The following TMEM178B variants were observed in gnomAD, a reference collection of about 807,000 sequenced individuals.
TMEM178B encodes transmembrane protein 178B.
In TMEM178B, 5 loss-of-function variants were observed where a neutral mutation model predicts 31.0. That is an observed-to-expected ratio of 0.16 (90% confidence interval 0.08 to 0.34). TMEM178B has a LOEUF of 0.34. TMEM178B is among the 10% of genes least tolerant of loss of function. The pLI, the probability that TMEM178B is intolerant of heterozygous loss-of-function variation, is 1.00. For synonymous variants in TMEM178B, 164 were observed against 164.0 expected (o/e 1.00, Z 0.00); for missense variants, 275 against 400.3 (o/e 0.69, Z 2.67).
chr7:141,435,329 T>C lies in TMEM178B; in HGVS notation c.497-2279T>C, dbSNP rs149450927. On this transcript the variant is annotated intron_variant, in intron 2 of 3. Coordinates refer to ENST00000565468, the MANE Select transcript of TMEM178B (RefSeq NM_001195278.2). ...CCCTTACAGGGAAACCTTCTTTTCA[T>C]TGAAAATAAGCTGTTCTCTCTTTTC... 1.0e-3 allele frequency among the ~76,000 whole-genome samples: 154 copies of C among 152,382 alleles called. 1 individual carries two copies. The highest frequency in any genetic ancestry group is 3.5e-3 in the African/African-American group (145 of 41,598).
intron 2 of TMEM178B, among the ~76,000 whole-genome samples, chr7:141,306,284 C>A (rs1432751677): frequency 6.6e-6 from 1 of 152,152 alleles, no homozygotes; most frequent in Non-Finnish European, 1.5e-5. Context: ...CAGTAATTGT[C>A]TGTGCTCTTT....
the TMEM178B span, among the ~76,000 whole-genome samples, chr7:141,498,826 T>A: frequency 6.6e-6 from 1 of 152,230 alleles, no homozygotes. Context: ...TATCTGTGGA[T>A]GTTTAAAGAA....
intron 2 of TMEM178B, among the ~76,000 whole-genome samples, chr7:141,364,659 C>CAA (rs980786132): frequency 0.3 from 14,333 of 47,660 alleles, 2,706 homozygotes; most frequent in Middle Eastern, 0.44. Context: ...GACTCTGTCT[C>CAA]AAAAAAAAAA....
chr7:141,119,270 C>G (rs1043349413), intron 1 of TMEM178B, among the ~76,000 whole-genome samples: 12 of 152,146 alleles, frequency 7.9e-5, no homozygotes, highest in Non-Finnish European at 1.8e-4. Context: ...TTGTTGAGGC[C>G]TGCTGGGGAT....
At chr7:141,434,131 A>G (rs1801489048) in intron 2 of TMEM178B, among the ~76,000 whole-genome samples, 1 of 152,146 alleles carries the variant, frequency 6.6e-6, no homozygotes, top group Non-Finnish European at 1.5e-5. Context: ...CTTTGTTCTC[A>G]TTCTCCAACA....
chr7:141,471,912 GAAC>G lies in TMEM178B; in HGVS notation c.*1129_*1131del, dbSNP rs1802252623. ...TGAAATTTCCAGAGGGCAGAACCAA[GAAC>G]AAAGCCACTGGGCCAGAGGACCCCC... On this transcript the variant is annotated 3_prime_UTR_variant, in exon 4 of 4. Transcript: ENST00000565468. This position sits in a 1 kb window ranked among gnomAD's most constrained non-coding sequence, Gnocchi z 4.1. 6.6e-6 allele frequency: 1 copy of G among 152,020 alleles called. No homozygotes were observed. The highest frequency in any genetic ancestry group is 6.6e-5 in the Admixed American group (1 of 15,254). 9.4% of individuals were successfully genotyped at this position (152,020 alleles called of 1,614,324 possible). A position where few individuals can be genotyped will look rare whatever the true frequency, so the allele number is the denominator to read the frequency against.
chr7:141,336,898 C>G (rs1799403647), intron 2 of TMEM178B, among the ~76,000 whole-genome samples: 1 of 130,818 alleles, frequency 7.6e-6, no homozygotes, highest in Non-Finnish European at 1.6e-5. Context: ...CCGCTACCAC[C>G]ACCACCATCA....
intron 2 of TMEM178B, among the ~76,000 whole-genome samples, chr7:141,388,938 T>C (rs1304096391): frequency 1.3e-5 from 2 of 152,170 alleles, no homozygotes; most frequent in East Asian, 3.8e-4. Context: ...ATGAGTAGTA[T>C]CCTGGGACAG....
At chr7:141,397,504 A>C (rs1800678704) in intron 2 of TMEM178B, among the ~76,000 whole-genome samples, 1 of 152,124 alleles carries the variant, frequency 6.6e-6, no homozygotes, top group African/African-American at 2.4e-5. Flanking sequence ...ATAGTAGGTG[A>C]CTTGGAACTT....
intron 1 of TMEM178B, among the ~76,000 whole-genome samples, chr7:141,197,864 C>A (rs1336042458): frequency 6.6e-6 from 1 of 152,180 alleles, no homozygotes; most frequent in Non-Finnish European, 1.5e-5. Context: ...AACTCCTGAC[C>A]TCAGGTGATC....
At chr7:141,232,523 C>G (rs1797464285) in intron 2 of TMEM178B, among the ~76,000 whole-genome samples, 1 of 152,164 alleles carries the variant, frequency 6.6e-6, no homozygotes, top group Non-Finnish European at 1.5e-5. Flanking sequence ...GAGATGGTAT[C>G]TCATTGTGGT....
intron 2 of TMEM178B, among the ~76,000 whole-genome samples, chr7:141,290,530 CA>C (rs1798527286): frequency 4.7e-5 from 4 of 84,534 alleles, no homozygotes; most frequent in Non-Finnish European, 1.6e-4. Flanking sequence ...CACACACATA[CA>C]CATGTGCACA....
At chr7:141,204,372 T>C (rs1796928965) in intron 1 of TMEM178B, among the ~76,000 whole-genome samples, 1 of 152,188 alleles carries the variant, frequency 6.6e-6, no homozygotes, top group Non-Finnish European at 1.5e-5. Context: ...AGTTGAGAGC[T>C]GCTTTCCCAT....
intron 2 of TMEM178B, among the ~76,000 whole-genome samples, chr7:141,364,381 C>T (rs1367383114): frequency 6.6e-6 from 1 of 152,150 alleles, no homozygotes; most frequent in Admixed American, 6.5e-5. Context: ...AAAGTTGGGG[C>T]TGGGCACGGT....
intron 3 of TMEM178B, among the ~76,000 whole-genome samples, chr7:141,467,062 T>G (rs1193828324): frequency 1.3e-5 from 2 of 152,074 alleles, no homozygotes; most frequent in Non-Finnish European, 2.9e-5. Flanking sequence ...CTGGAATCAC[T>G]TCTCCAGGTC....
chr7:141,342,902 C>T (rs901392572), intron 2 of TMEM178B, among the ~76,000 whole-genome samples: 1 of 152,168 alleles, frequency 6.6e-6, no homozygotes, highest in Non-Finnish European at 1.5e-5. Context: ...TGCCAACTTC[C>T]TGTCATTATT....
At chr7:141,106,743 T>C (rs575195486) in intron 1 of TMEM178B, among the ~76,000 whole-genome samples, 219 of 152,348 alleles carry the variant, frequency 1.4e-3, no homozygotes, top group African/African-American at 4.9e-3. Context: ...AAACTATGTA[T>C]ATTCTAATTG....
chr7:141,098,176 T>C (rs1794996810), intron 1 of TMEM178B, among the ~76,000 whole-genome samples: 1 of 152,208 alleles, frequency 6.6e-6, no homozygotes, highest in South Asian at 2.1e-4. Context: ...CTTACAACTT[T>C]TTCCCAGTGA....
intron 1 of TMEM178B, among the ~76,000 whole-genome samples, chr7:141,180,603 G>A (rs1045532364): frequency 1.6e-4 from 25 of 152,028 alleles, no homozygotes; most frequent in Non-Finnish European, 2.2e-4. Flanking sequence ...CACTTCATGG[G>A]AACAAAATTA....
Sources: gnomAD v4.1 joint callset for allele counts (sites outside exome capture counted in the v4.1 genomes callset) on GRCh38, gnomAD v4.1.1 for gene constraint, Gnocchi (gnomAD v3.1) non-coding constraint, MANE v1.5 for transcripts, NCBI Gene and HGNC (gene_info 2026-07-23, HGNC 2026-07-21) for gene names.